Variants in NSMAF observed in about 807,000 individuals in gnomAD.
The protein encoded by NSMAF is neutral sphingomyelinase activation associated factor.
NSMAF carries 90 observed loss-of-function variants against 134.9 expected under a neutral mutation model. The ratio of observed to expected loss-of-function variants is 0.67; its 90% CI spans 0.56 to 0.79. The LOEUF (loss-of-function observed/expected upper bound fraction) is 0.79. NSMAF is among the 30% of genes least tolerant of loss of function. NSMAF has a pLI of 0.00. For missense variants in NSMAF, 1,010 were observed against 1,119.0 expected (o/e 0.90, Z 1.39); for synonymous variants, 358 against 389.6 (o/e 0.92, Z 0.96).
chr8:58,639,651 C>T (rs1439073856), intron 2 of NSMAF, among the ~76,000 whole-genome samples: 1 of 152,154 alleles, frequency 6.6e-6, no homozygotes, highest in Non-Finnish European at 1.5e-5. Flanking sequence ...TGTATCTGTA[C>T]TCCCATGTTC....
At chr8:58,592,826 G>A (rs956760407) in intron 23 of NSMAF, among the ~76,000 whole-genome samples, 1 of 151,902 alleles carries the variant, frequency 6.6e-6, no homozygotes, top group Non-Finnish European at 1.5e-5. Context: ...GGCGGAGGTT[G>A]CAGTGAGCCA....
intron 2 of NSMAF, among the ~76,000 whole-genome samples, chr8:58,639,206 C>T (rs191225797): frequency 5.9e-4 from 90 of 152,028 alleles, no homozygotes; most frequent in Non-Finnish European, 1.2e-3. Context: ...ATCGCTTGAA[C>T]CCGGAAGGCA....
intron 9 of NSMAF, among the ~76,000 whole-genome samples, chr8:58,621,405 G>T (rs1563535351): frequency 6.6e-6 from 1 of 152,006 alleles, no homozygotes; most frequent in South Asian, 2.1e-4. Context: ...TTTGAATAGT[G>T]CTGTGATAAG....
intron 14 of NSMAF, 38 bp from the exon 15 acceptor site, chr8:58,601,573 T>G: frequency 6.4e-7 from 1 of 1,559,014 alleles, no homozygotes; most frequent in East Asian, 2.3e-5. Flanking sequence ...GAGCTAAGTG[T>G]TGGCTATGAA....
chr8:58,655,884 G>A (rs1413360823), intron 1 of NSMAF, among the ~76,000 whole-genome samples: 1 of 151,584 alleles, frequency 6.6e-6, no homozygotes, highest in Non-Finnish European at 1.5e-5. Flanking sequence ...TCCAGCCTGG[G>A]CGAGAGTGAG....
intron 1 of NSMAF, among the ~76,000 whole-genome samples, chr8:58,647,220 T>C (rs920224249): frequency 6.6e-6 from 1 of 152,208 alleles, no homozygotes; most frequent in Non-Finnish European, 1.5e-5. Context: ...AGGAGTGCTG[T>C]GTATTTGCCA....
intron 1 of NSMAF, among the ~76,000 whole-genome samples, chr8:58,651,986 T>C (rs899560014): frequency 6.6e-6 from 1 of 152,118 alleles, no homozygotes; most frequent in African/African-American, 2.4e-5. Context: ...AAGGATACCA[T>C]AAAAATAAGC....
At chr8:58,652,148 A>C (rs958084033) in intron 1 of NSMAF, among the ~76,000 whole-genome samples, 12 of 151,976 alleles carry the variant, frequency 7.9e-5, no homozygotes, top group Non-Finnish European at 1.5e-4. Flanking sequence ...AAGCTCAAGC[A>C]GGATAGATGA....
At chr8:58,633,809 T>C (rs1807111175) in intron 5 of NSMAF, among the ~76,000 whole-genome samples, 1 of 152,194 alleles carries the variant, frequency 6.6e-6, no homozygotes, top group Non-Finnish European at 1.5e-5. Flanking sequence ...CCTGGTTGTA[T>C]ACTTGACACA....
Position 58,584,254 on chromosome 8 carries a change from A to G in NSMAF, c.2660-54T>C, listed in dbSNP as rs1159614933. On this transcript the variant is annotated intron_variant, in intron 30 of 30. Transcript: ENST00000038176. Reference sequence around the variant, plus strand: ...GAAGTTGACCAGGAGGCACCCAAAGATAAACTTTACTCTGATGCTTACTCT... The same window carrying G: ...GAAGTTGACCAGGAGGCACCCAAAGGTAAACTTTACTCTGATGCTTACTCT... 9.3e-6 allele frequency: 12 copies of G among 1,287,738 alleles called. 1 individual carries two copies. The East Asian group carries it at 1.9e-4, about 20-fold the overall frequency. 79.8% of individuals were successfully genotyped at this position (1,287,738 alleles called of 1,614,324 possible). A position where few individuals can be genotyped will look rare whatever the true frequency, so the allele number is the denominator to read the frequency against.
At chr8:58,606,104 T>C in intron 11 of NSMAF, 69 bp from the exon 12 acceptor site, 2 of 1,250,774 alleles carry the variant, frequency 1.6e-6, no homozygotes, top group South Asian at 3.2e-5. Context: ...AATATAAGTA[T>C]ATAATTACAA....
intron 2 of NSMAF, among the ~76,000 whole-genome samples, chr8:58,635,802 T>C (rs1391618928): frequency 6.6e-5 from 10 of 152,250 alleles, no homozygotes; most frequent in Non-Finnish European, 1.3e-4. Context: ...TATCTCCATA[T>C]AGTTTACAGC....
intron 2 of NSMAF, among the ~76,000 whole-genome samples, chr8:58,637,738 T>C (rs918446266): frequency 6.6e-6 from 1 of 152,106 alleles, no homozygotes; most frequent in Non-Finnish European, 1.5e-5. Flanking sequence ...CAGAAACAAT[T>C]CAATTTATAA....
chr8:58,629,638 AAC>A (rs1554576601), intron 6 of NSMAF, among the ~76,000 whole-genome samples: 2 of 152,012 alleles, frequency 1.3e-5, no homozygotes, highest in Non-Finnish European at 2.9e-5. Context: ...CAACAACAAC[AAC>A]AAAAACAATT....
chr8:58,615,518 T>TA (rs1806636481), intron 9 of NSMAF, among the ~76,000 whole-genome samples: 1 of 152,214 alleles, frequency 6.6e-6, no homozygotes, highest in African/African-American at 2.4e-5. Context: ...TATAAATCAG[T>TA]ACCTATAAAA....
At chr8:58,633,317 C>T (rs544415938) in intron 5 of NSMAF, among the ~76,000 whole-genome samples, 1 of 152,336 alleles carries the variant, frequency 6.6e-6, no homozygotes, top group East Asian at 1.9e-4. Context: ...GGCTTCTCCC[C>T]CACCACTCTC....
chr8:58,585,229 A>G (rs1254559143), intron 30 of NSMAF, among the ~76,000 whole-genome samples: 1 of 152,180 alleles, frequency 6.6e-6, no homozygotes, highest in African/African-American at 2.4e-5. Flanking sequence ...ACACACTGGT[A>G]AAGTACTGTA....
chr8:58,638,222 T>C (rs373591745), intron 2 of NSMAF, among the ~76,000 whole-genome samples: 5 of 152,224 alleles, frequency 3.3e-5, no homozygotes, highest in African/African-American at 1.2e-4. Context: ...AATTTTTAGT[T>C]TTTTTAGAGA....
At chr8:58,656,045 G>C (rs1176616321) in intron 1 of NSMAF, among the ~76,000 whole-genome samples, 1 of 151,848 alleles carries the variant, frequency 6.6e-6, no homozygotes, top group African/African-American at 2.4e-5. Context: ...TTGAGATGGA[G>C]TCTCGCTCTG....
Sources: allele counts gnomAD v4.1 joint callset (sites outside exome capture counted in the v4.1 genomes callset), GRCh38; gene constraint gnomAD v4.1.1; transcripts MANE v1.5; gene names NCBI Gene and HGNC (gene_info 2026-07-23, HGNC 2026-07-21).